PPP6R2: variants seen among roughly 807,000 people sequenced by gnomAD.
PPP6R2 encodes the protein serine/threonine-protein phosphatase 6 regulatory subunit 2.
PPP6R2 carries 62 observed loss-of-function variants against 100.2 expected under a neutral mutation model. The ratio of observed to expected loss-of-function variants is 0.62; its 90% CI spans 0.50 to 0.76. The LOEUF is 0.76. PPP6R2 is among the 30% of genes least tolerant of loss of function. PPP6R2 has a pLI of 0.00. For synonymous variants in PPP6R2, 525 were observed against 514.7 expected, an observed-to-expected ratio of 1.02 and a Z score of -0.27; for missense variants, 1,142 against 1,276.3, an observed-to-expected ratio of 0.89 and a Z score of 1.60.
chr22:50,410,541 A>G (rs1174725416), intron 4 of PPP6R2, among the ~76,000 whole-genome samples: 4 of 140,344 alleles, frequency 2.9e-5, no homozygotes, highest in African/African-American at 8.2e-5. Context: ...CAGTGGCGCA[A>G]TCTTGGCTCA....
At chr22:50,392,013 C>G (rs1423905598) in intron 2 of PPP6R2, 1 of 150,918 alleles carries the variant, frequency 6.6e-6, no homozygotes, top group Non-Finnish European at 1.5e-5. Context: ...GTGTGTCATC[C>G]AAGTACGTGA....
chr22:50,370,787 T>A (rs1273387803), intron 1 of PPP6R2, among the ~76,000 whole-genome samples: 1 of 151,324 alleles, frequency 6.6e-6, no homozygotes, highest in Non-Finnish European at 1.5e-5. Flanking sequence ...GCGCCTGCCA[T>A]TGTGCCTCGC....
At chr22:50,372,494 A>C (rs981494245) in intron 2 of PPP6R2, among the ~76,000 whole-genome samples, 1 of 151,474 alleles carries the variant, frequency 6.6e-6, no homozygotes, top group Non-Finnish European at 1.5e-5. Flanking sequence ...GGTTGCAGTG[A>C]GCCGAGATCG....
upstream of PPP6R2, among the ~76,000 whole-genome samples, chr22:50,342,148 C>G (rs1485746657): frequency 6.6e-6 from 1 of 152,178 alleles, no homozygotes; most frequent in East Asian, 1.9e-4. Context: ...CATTCCGTAG[C>G]TCAACTCAGC....
At chr22:50,387,565 A>G (rs2054505291) in intron 2 of PPP6R2, among the ~76,000 whole-genome samples, 1 of 152,188 alleles carries the variant, frequency 6.6e-6, no homozygotes, top group Non-Finnish European at 1.5e-5. Context: ...CCAAATGGAA[A>G]TCAAGCATTC....
intron 4 of PPP6R2, among the ~76,000 whole-genome samples, chr22:50,409,775 G>A (rs2059484691): frequency 1.3e-5 from 2 of 152,308 alleles, no homozygotes; most frequent in South Asian, 4.1e-4. Flanking sequence ...TGCCAAGGCT[G>A]GAGTGCAGTG....
chr22:50,361,149 G>T (rs931774396), intron 1 of PPP6R2, among the ~76,000 whole-genome samples: 1 of 152,052 alleles, frequency 6.6e-6, no homozygotes, highest in African/African-American at 2.4e-5. Context: ...GGACTAGTTC[G>T]GTCCTGGGTA....
chr22:50,434,546 G>A (rs1476899650), intron 12 of PPP6R2, among the ~76,000 whole-genome samples: 1 of 98,468 alleles, frequency 1.0e-5, no homozygotes, highest in Non-Finnish European at 2.0e-5. Flanking sequence ...CGGACGCTGG[G>A]CAGGGGCCGG....
chr22:50,442,408 G>T (rs1230707976), intron 22 of PPP6R2, among the ~76,000 whole-genome samples: 1 of 152,228 alleles, frequency 6.6e-6, no homozygotes, highest in Non-Finnish European at 1.5e-5. Context: ...GCAGCAAGTG[G>T]GGGGCACAGC....
chr22:50,338,436 G>A (rs966659402), upstream of PPP6R2, among the ~76,000 whole-genome samples: 1 of 145,326 alleles, frequency 6.9e-6, no homozygotes, highest in South Asian at 2.2e-4. Flanking sequence ...TGTGGTGTGT[G>A]TAGAGTGTGT....
At chr22:50,413,462 C>G (rs2060055294) in intron 4 of PPP6R2, among the ~76,000 whole-genome samples, 1 of 152,122 alleles carries the variant, frequency 6.6e-6, no homozygotes, top group Non-Finnish European at 1.5e-5. Context: ...CCACTGCACT[C>G]CAGCCTGGGG....
intron 4 of PPP6R2, among the ~76,000 whole-genome samples, chr22:50,408,180 C>A (rs1569437273): frequency 6.6e-6 from 1 of 152,204 alleles, no homozygotes. Context: ...AGCCACGATG[C>A]CCAGCTATGT....
At chr22:50,357,309 A>G (rs2046811068) in intron 1 of PPP6R2, among the ~76,000 whole-genome samples, 1 of 152,182 alleles carries the variant, frequency 6.6e-6, no homozygotes, top group African/African-American at 2.4e-5. Flanking sequence ...GCATATACAT[A>G]CATAGTGAGG....
At chr22:50,384,781 C>T (rs1431108476) in intron 2 of PPP6R2, among the ~76,000 whole-genome samples, 1 of 152,028 alleles carries the variant, frequency 6.6e-6, no homozygotes, top group Non-Finnish European at 1.5e-5. Context: ...ACTCTGTTGC[C>T]TAAGCTGGAA....
At chr22:50,339,246 TGTG>T (rs2147826891), upstream of PPP6R2, among the ~76,000 whole-genome samples, 1 of 124,670 alleles carries the variant, frequency 8.0e-6, no homozygotes, top group South Asian at 2.5e-4. Flanking sequence ...CGGTGTGTGT[TGTG>T]TGTGTTGTGT....
chr22:50,439,463 G>A (rs2065113870), intron 19 of PPP6R2, among the ~76,000 whole-genome samples: 1 of 152,170 alleles, frequency 6.6e-6, no homozygotes, highest in South Asian at 2.1e-4. Context: ...GGGGCCCTCA[G>A]GCACCTGACT....
the PPP6R2 span, among the ~76,000 whole-genome samples, chr22:50,330,815 G>T: frequency 6.6e-6 from 1 of 151,352 alleles, no homozygotes; most frequent in Non-Finnish European, 1.5e-5. Context: ...CTGAGAAAAA[G>T]AACCTGGAAG....
At chr22:50,434,003 T>C (rs1437392054) in intron 12 of PPP6R2, among the ~76,000 whole-genome samples, 1 of 34,422 alleles carries the variant, frequency 2.9e-5, no homozygotes, top group Admixed American at 2.8e-4. Flanking sequence ...GGGCCGGGCA[T>C]TTGCTCTGGA....
At chr22:50,339,865 G>C (rs559691528), upstream of PPP6R2, among the ~76,000 whole-genome samples, 1 of 120,998 alleles carries the variant, frequency 8.3e-6, no homozygotes, top group East Asian at 2.7e-4. Flanking sequence ...GGTATGTAGT[G>C]TGTGTGTGGT....
Sources: allele counts gnomAD v4.1 joint callset (sites outside exome capture counted in the v4.1 genomes callset), GRCh38; gene constraint gnomAD v4.1.1; transcripts MANE v1.5; gene names NCBI Gene and HGNC (gene_info 2026-07-23, HGNC 2026-07-21).